The following HMCN2 variants were observed in gnomAD, a reference collection of about 807,000 sequenced individuals.
The protein encoded by HMCN2 is hemicentin 2, also known as hemicentin-2.
A neutral mutation model predicts 377.5 loss-of-function variants in HMCN2; 325 were observed. That is an observed-to-expected ratio of 0.86 (90% CI 0.79 to 0.94). The LOEUF (loss-of-function observed/expected upper bound fraction) is 0.94. Among genes scored for constraint, HMCN2 ranks in the 40% least tolerant of loss-of-function variants. The pLI, the probability that HMCN2 is intolerant of heterozygous loss-of-function variation, is 0.00. For missense variants in HMCN2, 4,543 were observed against 4,725.3 expected, an observed-to-expected ratio of 0.96 and a Z score of 1.13; for synonymous variants, 2,007 against 2,046.8, an observed-to-expected ratio of 0.98 and a Z score of 0.53.
chr9:130,383,505 T>C lies in HMCN2; in HGVS notation c.8735T>C (p.Val2912Ala). The change falls in exon 57 of 98, where the codon GTT becomes GCT. Residue 2912 changes from valine to alanine, a missense_variant and splice_region_variant. Coordinates refer to ENST00000683500, the MANE Select transcript of HMCN2 (RefSeq NM_001291815.2). ...QVLEDGQVLQ[V>A]STAEVADAAS... is the part of the protein sequence containing the mutation. ...AGGCATGGCTCCCTGCACCCACAGGTTTCCACGGCAGAGGTGGCCGACGCC... is the reference window on the plus strand; with the variant it reads ...AGGCATGGCTCCCTGCACCCACAGGCTTCCACGGCAGAGGTGGCCGACGCC... 1 of 985,830 alleles carries C rather than the reference T, an allele frequency of 1.0e-6. No individual in the cohort carries two copies. The highest frequency in any genetic ancestry group is 1.7e-5 in the African/African-American group (1 of 57,290). The allele number at this position is 985,830 out of a possible 1,614,324, so 61.1% of individuals were successfully genotyped here.
Position 130,372,378 on chromosome 9 carries a change from C to T in HMCN2, c.7322C>T (p.Ala2441Val). The T allele has an allele frequency of 1.0e-6, 1 of 985,792 alleles. No homozygotes were observed. The highest frequency in any genetic ancestry group is 1.2e-6 in the Non-Finnish European group (1 of 829,940). The allele number at this position is 985,792 out of a possible 1,614,324, so 61.1% of individuals were successfully genotyped here. Residue 2441 changes from alanine to valine, a missense_variant, in exon 47 of 98, where the codon GCA becomes GTA. Ala to Val is a moderately conservative substitution (Grantham distance 64). This residue lies in a region of HMCN2 where 1,032 missense variants were observed against 1,285.1 expected (regional missense o/e 0.80). Transcript: ENST00000683500. The part of the protein sequence containing the change: ...SCLASNEAGE[A>V]RRNFSVEVLV... ...CTGGCAAGCAACGAGGCTGGGGAGG[C>T]ACGGAGGAACTTCAGTGTGGAGGTG...
chr9:130,340,520 CTTTTT>C (rs879005826), intron 23 of HMCN2, among the ~76,000 whole-genome samples: 10 of 144,242 alleles, frequency 6.9e-5, no homozygotes, highest in Middle Eastern at 3.6e-3. Flanking sequence ...CCAAGTGGCG[CTTTTT>C]TTTTTTTTTT....
intron 1 of HMCN2, among the ~76,000 whole-genome samples, chr9:130,277,485 C>A (rs1318038250): frequency 6.6e-6 from 1 of 152,178 alleles, no homozygotes; most frequent in Non-Finnish European, 1.5e-5. Context: ...ACTCTCATTT[C>A]TACTGCTTCC....
At position 130,395,349 on chromosome 9, in the gene HMCN2, TG is replaced by T; in HGVS notation, c.10911+5del. The T allele has an allele frequency of 7.8e-7, 1 of 1,285,576 alleles. No homozygotes were observed. Among genetic ancestry groups the T allele is most frequent in the Non-Finnish European group, 1.0e-6 (1 of 986,980 alleles). 79.6% of individuals were successfully genotyped at this position (1,285,576 alleles called of 1,614,324 possible). A position where few individuals can be genotyped will look rare whatever the true frequency, so the allele number is the denominator to read the frequency against. On this transcript the variant is annotated splice_donor_region_variant and intron_variant, in intron 71 of 97. Transcript: ENST00000683500. ...CACCGAGACGGCATTGTGCTGCAGG[TG>T]GGCGCCAGGCAGGGCCCCAGGGTGC...
At chr9:130,277,781 T>TCATCAC (rs1834795781) in intron 1 of HMCN2, among the ~76,000 whole-genome samples, 1 of 64,654 alleles carries the variant, frequency 1.5e-5, no homozygotes. Flanking sequence ...ACCATCATCA[T>TCATCAC]CACCACCACC....
In HMCN2 at chr9:130,403,220, A is replaced by G. The variant is rs1200224069; in HGVS notation, c.11905A>G (p.Ser3969Gly). Residue 3969 changes from serine to glycine, a missense_variant, in exon 79 of 98, where the codon AGC becomes GGC. Ser to Gly is a moderately conservative substitution (Grantham distance 56). Coordinates refer to ENST00000683500, the MANE Select transcript of HMCN2 (RefSeq NM_001291815.2). Reference sequence around the variant, plus strand: ...CTCCCCGGTGGTGAAGCCGCTGCCCAGCGTGGTTCGGGCAGTGGCAGAGGA... The same window carrying G: ...CTCCCCGGTGGTGAAGCCGCTGCCCGGCGTGGTTCGGGCAGTGGCAGAGGA... Reference protein sequence around the residue: ...QASPVVKPLPSVVRAVAEEEV... With the variant: ...QASPVVKPLPGVVRAVAEEEV... 8 of 1,289,442 alleles carry G rather than the reference A, an allele frequency of 6.2e-6. No homozygotes were observed. The highest frequency in any genetic ancestry group is 7.1e-6 in the Non-Finnish European group (7 of 988,800). The allele number at this position is 1,289,442 out of a possible 1,614,324, so 79.9% of individuals were successfully genotyped here.
intron 15 of HMCN2, among the ~76,000 whole-genome samples, chr9:130,311,889 C>G (rs1255352023): frequency 6.6e-6 from 1 of 151,990 alleles, no homozygotes; most frequent in Non-Finnish European, 1.5e-5. Flanking sequence ...TGTGCTCAGA[C>G]TTTTCCACTG....
chr9:130,402,809 G>A lies in HMCN2; in HGVS notation c.11791G>A (p.Ala3931Thr). 7.8e-7 allele frequency: 1 copy of A among 1,289,698 alleles called. No individual in the cohort carries two copies. Among genetic ancestry groups the A allele is most frequent in the Non-Finnish European group, 1.0e-6 (1 of 988,804 alleles). 79.9% of individuals were successfully genotyped at this position (1,289,698 alleles called of 1,614,324 possible). A position where few individuals can be genotyped will look rare whatever the true frequency, so the allele number is the denominator to read the frequency against. ...AACAGGCGCCCTGGAGATCGGGCAGGCCCTCCCCATCCACGCAGGCCGCTA... is the reference window on the plus strand; with the variant it reads ...AACAGGCGCCCTGGAGATCGGGCAGACCCTCCCCATCCACGCAGGCCGCTA... ...SPSGALEIGQ[A>T]LPIHAGRYTC... Residue 3931 changes from alanine (A) to threonine (T), a missense_variant, in exon 78 of 98, where the codon GCC (alanine) becomes ACC (threonine). Ala to Thr is a moderately conservative substitution (Grantham distance 58). Transcript: ENST00000683500.
Position 130,384,460 on chromosome 9 carries a change from A to T in HMCN2, c.8918A>T (p.His2973Leu), listed in dbSNP as rs1396458019. ...SVSLPCDVHA[H>L]PNPEVTWYKD... is the part of the protein sequence containing the mutation. ...TCCCTCCCTTGCGACGTCCACGCTC[A>T]CCCAAACCCCGAGGTCACGTGGTAC... is the stretch of plus-strand genomic sequence containing the variant. Residue 2973 changes from histidine to leucine, a missense_variant, in exon 58 of 98, where the codon CAC becomes CTC. By Grantham distance (99) the His-to-Leu change is moderately conservative. Coordinates refer to ENST00000683500, the MANE Select transcript of HMCN2 (RefSeq NM_001291815.2). The T allele has an allele frequency of 1.2e-5, 16 of 1,304,138 alleles. No individual in the cohort carries two copies. Among genetic ancestry groups the T allele is most frequent in the Non-Finnish European group, 1.6e-5 (16 of 988,950 alleles). The allele number at this position is 1,304,138 out of a possible 1,614,324, so 80.8% of individuals were successfully genotyped here.
At chr9:130,400,557 C>G (rs1243831823) in intron 76 of HMCN2, 1 of 242,524 alleles carries the variant, frequency 4.1e-6, no homozygotes, top group Non-Finnish European at 8.2e-6. Context: ...ATACTGAGAC[C>G]CCATCTCTGA....
At chr9:130,293,465 C>A (rs782264617) in intron 4 of HMCN2, among the ~76,000 whole-genome samples, 1 of 151,894 alleles carries the variant, frequency 6.6e-6, no homozygotes, top group Non-Finnish European at 1.5e-5. Flanking sequence ...TTTGAGATAA[C>A]TTGGCCTGGA....
intron 94 of HMCN2, chr9:130,430,083 G>T: frequency 1.6e-6 from 1 of 615,806 alleles, no homozygotes. Flanking sequence ...GGGAGGCTGG[G>T]CCTCTGGGAG....
chr9:130,299,131 C>T lies in HMCN2; in HGVS notation c.1119C>T (p.Pro373=). ...CAGGGAAGCCCCTCCTGACTCTGCC[C>T]ACGAAGCCCCTCTCCAATGGCTCCA... is the stretch of plus-strand genomic sequence containing the variant. ...QSSGKPLLTL[P]TKPLSNGSTH... is the part of the protein sequence containing the mutation. Residue 373 remains proline, a synonymous_variant, in exon 8 of 98, where the codon CCC becomes CCT. Transcript: ENST00000683500. The T allele has an allele frequency of 2.1e-6, 1 of 471,232 alleles. No homozygotes were observed. The highest frequency in any genetic ancestry group is 4.4e-6 in the Non-Finnish European group (1 of 227,054). 29.2% of individuals were successfully genotyped at this position (471,232 alleles called of 1,614,324 possible). A position where few individuals can be genotyped will look rare whatever the true frequency, so the allele number is the denominator to read the frequency against.
At chr9:130,285,353 C>T (rs564786432) in intron 3 of HMCN2, 37 bp downstream of exon 3, 89 of 467,980 alleles carry the variant, frequency 1.9e-4, no homozygotes, top group African/African-American at 1.6e-3. Flanking sequence ...AAGTGGGGTC[C>T]CCCGGGGGTC....
chr9:130,408,815 G>A lies in HMCN2; in HGVS notation c.12761G>A (p.Cys4254Tyr), dbSNP rs1199945972. Reference protein sequence around the residue: ...EPVGGSIQLDCVVRGDPVPDI... With the variant: ...EPVGGSIQLDYVVRGDPVPDI... ...GTAGGAGGCAGCATTCAGCTAGACT[G>A]TGTGGTGCGTGGAGACCCAGTGCCG... The change falls in exon 84 of 98, where the codon TGT (cysteine) becomes TAT (tyrosine). Residue 4254 changes from cysteine (C) to tyrosine (Y), a missense_variant. By Grantham distance (194) the Cys-to-Tyr change is radical. Around this residue, in one of 5 missense-constraint regions of HMCN2, gnomAD observed 1,073 missense variants for 1,319.5 expected, o/e 0.81. Transcript: ENST00000683500. 2 of 1,289,772 alleles carry A rather than the reference G, an allele frequency of 1.6e-6. No individual in the cohort carries two copies. The highest frequency in any genetic ancestry group is 2.3e-5 in the Admixed American group (1 of 43,562). 79.9% of individuals were successfully genotyped at this position (1,289,772 alleles called of 1,614,324 possible).
intron 73 of HMCN2, among the ~76,000 whole-genome samples, chr9:130,396,649 A>C (rs909750960): frequency 6.6e-6 from 1 of 152,070 alleles, no homozygotes; most frequent in Admixed American, 6.6e-5. Flanking sequence ...ACACCCCCTG[A>C]CAACCCCGTG....
intron 85 of HMCN2, among the ~76,000 whole-genome samples, chr9:130,411,562 C>T (rs943866428): frequency 1.2e-4 from 17 of 142,882 alleles, no homozygotes; most frequent in East Asian, 4.2e-4. Context: ...ATCGTGCCAT[C>T]GCACTCCAGC....
At position 130,431,404 on chromosome 9, in the gene HMCN2, C is replaced by A. The variant is rs35509713; in HGVS notation, c.14685C>A (p.His4895Gln). 1.3e-6 allele frequency: 2 copies of A among 1,549,944 alleles called. No individual in the cohort carries two copies. The highest frequency in any genetic ancestry group is 2.7e-5 in the African/African-American group (2 of 73,030). ...GCCGCGTGAGGAACCTGTGTCAGCA[C>A]GCCTGCCGCAACACTGAGGGCAGCT... is the stretch of plus-strand genomic sequence containing the variant. ...DECRVRNLCQ[H>Q]ACRNTEGSYQ... Residue 4895 changes from histidine (H) to glutamine (Q), a missense_variant, in exon 96 of 98, where the codon CAC becomes CAA. Physicochemically the swap from His to Gln is conservative, Grantham distance 24 (BLOSUM62 0). Transcript: ENST00000683500.
At chr9:130,352,680 A>C (rs1422731472) in intron 30 of HMCN2, among the ~76,000 whole-genome samples, 2 of 152,144 alleles carry the variant, frequency 1.3e-5, no homozygotes, top group Admixed American at 6.5e-5. Flanking sequence ...AGAGCAGAGC[A>C]GGGCCCAGAA....
Sources: allele counts gnomAD v4.1 joint callset (sites outside exome capture counted in the v4.1 genomes callset), GRCh38; gene constraint gnomAD v4.1.1; regional missense constraint gnomAD v4.1.1; transcripts MANE v1.5; gene names NCBI Gene and HGNC (gene_info 2026-07-23, HGNC 2026-07-21).